The following TNC variants were observed in gnomAD, a reference collection of about 807,000 sequenced individuals.
The protein encoded by TNC is tenascin.
TNC carries 109 observed loss-of-function variants against 202.4 expected under a neutral mutation model. The observed-to-expected ratio is 0.54, with a 90% CI of 0.46 to 0.63. TNC has a LOEUF of 0.63. Ranked by LOEUF, TNC falls within the 30% of genes least tolerant of loss-of-function variation. The pLI, the probability that TNC is intolerant of heterozygous loss-of-function variation, is 0.00. For missense variants in TNC, 2,756 were observed against 2,833.3 expected, an observed-to-expected ratio of 0.97 and a Z score of 0.62; for synonymous variants, 1,007 against 1,089.7, an observed-to-expected ratio of 0.92 and a Z score of 1.50.
At chr9:115,030,074 C>T (rs1392235450) in intron 24 of TNC, among the ~76,000 whole-genome samples, 180 bp downstream of exon 24, 1 of 152,226 alleles carries the variant, frequency 6.6e-6, no homozygotes, top group African/African-American at 2.4e-5. Context: ...GCGTGTTTCC[C>T]ATTCTTTTGT....
Position 115,087,212 on chromosome 9 carries a change from G to C in TNC, c.519C>G (p.Gly173=), listed in dbSNP as rs1834831606. 1 of 1,614,234 alleles carries C rather than the reference G, an allele frequency of 6.2e-7. No homozygotes were observed. ...GRGNFSTEGC[G]CVCEPGWKGP... is the part of the protein sequence containing the mutation. Reference sequence around the variant, plus strand: ...CTTTCCAGCCAGGTTCGCAGACACAGCCACATCCTTCAGTGCTGAAGTTGC... The same window carrying C: ...CTTTCCAGCCAGGTTCGCAGACACACCCACATCCTTCAGTGCTGAAGTTGC... Residue 173 remains glycine, a synonymous_variant, in exon 3 of 28, where the codon GGC becomes GGG. Coordinates refer to ENST00000350763, the MANE Select transcript of TNC (RefSeq NM_002160.4).
At chr9:115,057,098 C>T in intron 15 of TNC, 55 bp downstream of exon 15, 1 of 1,551,020 alleles carries the variant, frequency 6.4e-7, no homozygotes, top group South Asian at 1.3e-5. Context: ...GAGGCTTCAC[C>T]CTGCAAAGAA....
chr9:115,047,419 A>G (rs542559286), intron 16 of TNC, among the ~76,000 whole-genome samples: 1 of 152,150 alleles, frequency 6.6e-6, no homozygotes, highest in African/African-American at 2.4e-5. Flanking sequence ...TGAGTTTCCC[A>G]AAGTGTGCTC....
At chr9:115,100,070 T>C (rs1836114562) in intron 1 of TNC, among the ~76,000 whole-genome samples, 3 of 152,196 alleles carry the variant, frequency 2.0e-5, no homozygotes, top group South Asian at 2.1e-4. Context: ...TCAGGGGCAG[T>C]GCTGCTGTTG....
intron 15 of TNC, among the ~76,000 whole-genome samples, chr9:115,049,444 A>G (rs968980220): frequency 6.6e-6 from 1 of 152,130 alleles, no homozygotes; most frequent in Admixed American, 6.6e-5. Flanking sequence ...CACATCTAAA[A>G]AAACCAGAGA....
intron 9 of TNC, among the ~76,000 whole-genome samples, chr9:115,075,649 G>T (rs1332313800): frequency 1.3e-5 from 2 of 152,118 alleles, no homozygotes; most frequent in Non-Finnish European, 2.9e-5. Context: ...GCTGGGCGTG[G>T]TGGTATGCAC....
At position 115,060,048 on chromosome 9, in the gene TNC, TGAG is replaced by T. The variant is rs1427612238; in HGVS notation, c.4034-49_4034-47del. The T allele has an allele frequency of 2.6e-6, 4 of 1,529,222 alleles. No homozygotes were observed. In the African/African-American group the frequency reaches 4.2e-5, roughly 16 times the overall value. 94.7% of individuals were successfully genotyped at this position (1,529,222 alleles called of 1,614,324 possible). On this transcript the variant is annotated intron_variant, in intron 13 of 27. Coordinates refer to ENST00000350763, the MANE Select transcript of TNC (RefSeq NM_002160.4). Reference sequence around the variant, plus strand: ...ATTTGTCAGTTCTATAAACCAAAAATGAGGAAACCAAACATCCCACAGCCCAAC... The same window carrying T: ...ATTTGTCAGTTCTATAAACCAAAAATGAAACCAAACATCCCACAGCCCAAC...
At chr9:115,100,415 G>A (rs1291526318) in intron 1 of TNC, among the ~76,000 whole-genome samples, 1 of 152,166 alleles carries the variant, frequency 6.6e-6, no homozygotes, top group East Asian at 1.9e-4. Flanking sequence ...AGCCAATTAA[G>A]TAGTATATAA....
At chr9:115,098,357 T>C (rs1409788508) in intron 1 of TNC, among the ~76,000 whole-genome samples, 1 of 152,204 alleles carries the variant, frequency 6.6e-6, no homozygotes, top group East Asian at 1.9e-4. Flanking sequence ...CAAATCCTTC[T>C]TTTTTTCTCT....
At chr9:115,074,211 G>A (rs533225198) in intron 9 of TNC, among the ~76,000 whole-genome samples, 34 of 152,318 alleles carry the variant, frequency 2.2e-4, no homozygotes, top group Non-Finnish European at 4.1e-4. Context: ...AGGAAAAAAA[G>A]CCAGTTTCAA....
At chr9:115,041,900 T>G (rs989205292) in intron 18 of TNC, among the ~76,000 whole-genome samples, 6 of 152,218 alleles carry the variant, frequency 3.9e-5, no homozygotes, top group Non-Finnish European at 7.3e-5. Flanking sequence ...CAGATGAGTG[T>G]GCGCAGGGAG....
intron 10 of TNC, among the ~76,000 whole-genome samples, chr9:115,069,606 C>T (rs1355544815): frequency 9.8e-5 from 2 of 20,468 alleles, no homozygotes; most frequent in Admixed American, 3.6e-4. Flanking sequence ...CTTCCTCCCT[C>T]CCTCCCTCCC....
intron 20 of TNC, among the ~76,000 whole-genome samples, chr9:115,036,645 C>G (rs1483860110): frequency 1.3e-5 from 2 of 152,082 alleles, no homozygotes; most frequent in African/African-American, 2.4e-5. Context: ...TTTCACATGC[C>G]CTTTTATAAT....
intron 13 of TNC, among the ~76,000 whole-genome samples, chr9:115,062,063 A>G (rs1057248769): frequency 5.9e-5 from 9 of 152,170 alleles, no homozygotes; most frequent in African/African-American, 2.2e-4. Flanking sequence ...GGCTAGTAAT[A>G]AGGTTTTTCT....
At chr9:115,080,396 C>T (rs1001223635) in intron 6 of TNC, among the ~76,000 whole-genome samples, 1 of 152,020 alleles carries the variant, frequency 6.6e-6, no homozygotes, top group Admixed American at 6.6e-5. Flanking sequence ...AAAACACTTG[C>T]TTATGAAAGA....
Position 115,041,162 on chromosome 9 carries a change from A to T in TNC, c.5249-78T>A, listed in dbSNP as rs1309342534. ...TCACTGTTGCCCCCAAAAAGAGTGTATCTGATTTAGAAATGAAACTATATC... is the reference window on the plus strand; with the variant it reads ...TCACTGTTGCCCCCAAAAAGAGTGTTTCTGATTTAGAAATGAAACTATATC... On this transcript the variant is annotated intron_variant, in intron 18 of 27. Coordinates refer to ENST00000350763, the MANE Select transcript of TNC (RefSeq NM_002160.4). The T allele has an allele frequency of 4.1e-6, 6 of 1,470,720 alleles. No homozygotes were observed. In the East Asian group the frequency reaches 1.2e-4, roughly 29 times the overall value. 91.1% of individuals were successfully genotyped at this position (1,470,720 alleles called of 1,614,324 possible). A position where few individuals can be genotyped will look rare whatever the true frequency, so the allele number is the denominator to read the frequency against.
At position 115,085,850 on chromosome 9, in the gene TNC, G is replaced by T. The variant is rs143856187; in HGVS notation, c.1867+14C>A. 7.6e-4 allele frequency: 1,216 copies of T among 1,592,554 alleles called. 24 individuals are homozygous for T. The East Asian group carries it at 0.026, about 35-fold the overall frequency. ...TCATGGCCATTATATGCTGGTCTGC[G>T]CCCTGGCACTCACCCTCTGAGCAGT... On this transcript the variant is annotated intron_variant, in intron 3 of 27. Coordinates refer to ENST00000350763, the MANE Select transcript of TNC (RefSeq NM_002160.4).
Position 115,078,137 on chromosome 9 carries a change from A to G in TNC, c.2480T>C (p.Leu827Pro). 6.2e-7 allele frequency: 1 copy of G among 1,614,154 alleles called. No individual in the cohort carries two copies. Among genetic ancestry groups the G allele is most frequent in the Non-Finnish European group, 8.5e-7 (1 of 1,180,002 alleles). The part of the protein sequence containing the change: ...TTALITWFKP[L>P]AEIDGIELTY... The stretch of plus-strand genomic sequence containing the variant: ...CAGCTCAATGCCATCGATCTCAGCC[A>G]GGGGCTTGAACCAGGTGATCAAGGC... Residue 827 changes from leucine (L) to proline (P), a missense_variant, in exon 7 of 28, where the codon CTG (leucine) becomes CCG (proline). Coordinates refer to ENST00000350763, the MANE Select transcript of TNC (RefSeq NM_002160.4).
At chr9:115,103,336 A>G (rs1401576126) in intron 1 of TNC, among the ~76,000 whole-genome samples, 1 of 152,216 alleles carries the variant, frequency 6.6e-6, no homozygotes, top group Non-Finnish European at 1.5e-5. Context: ...ATTAGTTAGT[A>G]ACCCTTTCAA....
Sources: allele counts gnomAD v4.1 joint callset (sites outside exome capture counted in the v4.1 genomes callset), GRCh38; gene constraint gnomAD v4.1.1; transcripts MANE v1.5; gene names NCBI Gene and HGNC (gene_info 2026-07-23, HGNC 2026-07-21).